Variants in PCMTD1 observed in about 807,000 individuals in gnomAD.
PCMTD1 encodes the protein protein-L-isoaspartate (D-aspartate) O-methyltransferase domain containing 1.
In PCMTD1, 12 loss-of-function variants were observed where a neutral mutation model predicts 37.6. That is an observed-to-expected ratio of 0.32 (90% CI 0.20 to 0.52). PCMTD1 has a LOEUF of 0.52. Among genes scored for constraint, PCMTD1 ranks in the 20% least tolerant of loss-of-function variants. The probability of loss-of-function intolerance (pLI) is 0.97; values close to 1 mark genes in which losing one functional copy is unlikely to be tolerated. For synonymous variants in PCMTD1, 117 were observed against 135.8 expected (o/e 0.86, Z 0.96); for missense variants, 235 against 421.3 (o/e 0.56, Z 3.87).
At chr8:51,850,897 G>A (rs1243222692) in intron 2 of PCMTD1, among the ~76,000 whole-genome samples, 1 of 151,998 alleles carries the variant, frequency 6.6e-6, no homozygotes, top group Non-Finnish European at 1.5e-5. Context: ...AAGTCGACAG[G>A]AATAGGTTTC....
At chr8:51,868,375 T>C (rs545331839) in intron 1 of PCMTD1, among the ~76,000 whole-genome samples, 2 of 152,248 alleles carry the variant, frequency 1.3e-5, no homozygotes, top group African/African-American at 4.8e-5. Context: ...AGCATCTTAG[T>C]TAGCAATGTG....
intron 5 of PCMTD1, chr8:51,827,212 T>C (rs2037933458): frequency 8.8e-7 from 1 of 1,137,350 alleles, no homozygotes; most frequent in African/African-American, 1.6e-5. Context: ...TTTTATTTTT[T>C]AGAAATTCAC....
chr8:51,877,423 C>T (rs1160600045), intron 1 of PCMTD1, among the ~76,000 whole-genome samples: 4 of 152,174 alleles, frequency 2.6e-5, no homozygotes, highest in Admixed American at 1.3e-4. Flanking sequence ...AGAAGAGGAA[C>T]GGCTATGACA....
intron 1 of PCMTD1, among the ~76,000 whole-genome samples, chr8:51,897,216 A>T (rs2039015942): frequency 6.6e-6 from 1 of 152,236 alleles, no homozygotes; most frequent in Non-Finnish European, 1.5e-5. Context: ...GCTAGTGATT[A>T]AATCAACAAA....
rs1169062102 is a variant in PCMTD1, at chr8:51,817,684, A to G, written c.*2667T>C. ...TCATCTCAAACAGCTATAAATCAACACACTTTTTGTATTTTATTTTACTAC... is the reference window on the plus strand; with the variant it reads ...TCATCTCAAACAGCTATAAATCAACGCACTTTTTGTATTTTATTTTACTAC... On this transcript the variant is annotated 3_prime_UTR_variant, in exon 6 of 6. Transcript: ENST00000522514. 3 of 265,300 alleles carry G rather than the reference A, an allele frequency of 1.1e-5. No homozygotes were observed. Among genetic ancestry groups the G allele is most frequent in the Non-Finnish European group, 2.2e-5 (3 of 133,958 alleles). The allele number at this position is 265,300 out of a possible 1,614,324, so 16.4% of individuals were successfully genotyped here.
intron 2 of PCMTD1, among the ~76,000 whole-genome samples, chr8:51,858,340 T>C (rs1563349860): frequency 6.6e-6 from 1 of 152,184 alleles, no homozygotes; most frequent in Non-Finnish European, 1.5e-5. Flanking sequence ...CTGTTATCCC[T>C]ATCTTGTGAG....
chr8:51,823,984 CA>C (rs2037885023), intron 5 of PCMTD1, among the ~76,000 whole-genome samples: 1 of 152,090 alleles, frequency 6.6e-6, no homozygotes, highest in South Asian at 2.1e-4. Context: ...AGGCCTTTGA[CA>C]AAATTCCACA....
intron 2 of PCMTD1, among the ~76,000 whole-genome samples, chr8:51,846,044 T>G (rs779511919): frequency 1.3e-5 from 2 of 152,224 alleles, no homozygotes; most frequent in Non-Finnish European, 2.9e-5. Flanking sequence ...GTAGCTTATC[T>G]GGCAGGACAA....
chr8:51,868,193 GAC>G (rs1352121894), intron 1 of PCMTD1, among the ~76,000 whole-genome samples: 3 of 152,034 alleles, frequency 2.0e-5, no homozygotes, highest in Non-Finnish European at 2.9e-5. Flanking sequence ...GTGGGAGAAT[GAC>G]ACAGTTTACA....
intron 1 of PCMTD1, among the ~76,000 whole-genome samples, chr8:51,881,849 A>AT (rs2038797387): frequency 6.6e-6 from 1 of 152,060 alleles, no homozygotes; most frequent in African/African-American, 2.4e-5. Context: ...CCTGAATACT[A>AT]TTTCAGGGGC....
At chr8:51,886,247 T>C (rs534684285) in intron 1 of PCMTD1, among the ~76,000 whole-genome samples, 1 of 152,332 alleles carries the variant, frequency 6.6e-6, no homozygotes, top group South Asian at 2.1e-4. Context: ...TAGCTGAAAT[T>C]TTCCAGTGCA....
intron 2 of PCMTD1, among the ~76,000 whole-genome samples, chr8:51,851,403 C>A (rs1268933882): frequency 6.6e-6 from 1 of 152,164 alleles, no homozygotes; most frequent in Non-Finnish European, 1.5e-5. Context: ...CCTAAGTAAA[C>A]CATATCTCTA....
rs553141703 is a variant in PCMTD1 at position 51,868,252 on chromosome 8, G to A, written c.-95-7006C>T. On this transcript the variant is annotated intron_variant, in intron 1 of 5. Coordinates refer to ENST00000522514, the MANE Select transcript of PCMTD1 (RefSeq NM_052937.4). The stretch of plus-strand genomic sequence containing the variant: ...AATTCCTTATTTAGTTTTAATACTC[G>A]TTTAACCACACTGAGTGAGAGAGAA... Among the ~76,000 whole-genome samples, 5 of 152,152 alleles carry A rather than the reference G, an allele frequency of 3.3e-5. No homozygotes were observed. In the East Asian group the frequency reaches 7.7e-4, roughly 24 times the overall value.
intron 1 of PCMTD1, among the ~76,000 whole-genome samples, chr8:51,876,107 G>A (rs1289592325): frequency 3.3e-5 from 4 of 121,864 alleles, no homozygotes; most frequent in African/African-American, 9.9e-5. Flanking sequence ...ACTTAATACA[G>A]AAACTACTTA....
At chr8:51,883,314 A>G (rs867686931) in intron 1 of PCMTD1, among the ~76,000 whole-genome samples, 4 of 152,208 alleles carry the variant, frequency 2.6e-5, no homozygotes, top group Non-Finnish European at 4.4e-5. Context: ...ATTAAGTAGC[A>G]AAGACTGTAG....
intron 2 of PCMTD1, among the ~76,000 whole-genome samples, chr8:51,858,230 A>T (rs2038419239): frequency 1.3e-5 from 2 of 152,082 alleles, no homozygotes; most frequent in African/African-American, 4.8e-5. Context: ...TGTGTTACCA[A>T]ATCACAGATA....
chr8:51,858,719 G>T (rs2038427845), intron 2 of PCMTD1, among the ~76,000 whole-genome samples: 1 of 152,048 alleles, frequency 6.6e-6, no homozygotes, highest in Admixed American at 6.5e-5. Context: ...ATCAAAACGA[G>T]AACAACTATA....
chr8:51,895,101 G>C (rs945234356), intron 1 of PCMTD1, among the ~76,000 whole-genome samples: 5 of 152,180 alleles, frequency 3.3e-5, no homozygotes, highest in African/African-American at 7.2e-5. Flanking sequence ...ATCTGTGTGG[G>C]ATTGCCAAAG....
intron 5 of PCMTD1, among the ~76,000 whole-genome samples, chr8:51,829,908 A>G (rs889411856): frequency 2.6e-5 from 4 of 152,220 alleles, no homozygotes; most frequent in Non-Finnish European, 5.9e-5. Flanking sequence ...TTCCTATGCA[A>G]TAAGTTCATT....
Sources: allele counts gnomAD v4.1 joint callset (sites outside exome capture counted in the v4.1 genomes callset), GRCh38; gene constraint gnomAD v4.1.1; transcripts MANE v1.5; gene names NCBI Gene and HGNC (gene_info 2026-07-23, HGNC 2026-07-21).